Variants in ATP8B4 observed in about 807,000 individuals in gnomAD.
ATP8B4 encodes ATPase phospholipid transporting 8B4 (putative).
Under a neutral mutation model 145.6 loss-of-function variants are expected in ATP8B4, and 133 were observed. That is an observed-to-expected ratio of 0.91 (90% CI 0.79 to 1.05). The LOEUF is 1.05. ATP8B4 is among the 50% of genes least tolerant of loss of function. The probability of loss-of-function intolerance (pLI) is 0.00; values close to 1 mark genes in which losing one functional copy is unlikely to be tolerated. For synonymous variants in ATP8B4, 507 were observed against 492.9 expected, an observed-to-expected ratio of 1.03 and a Z score of -0.38; for missense variants, 1,458 against 1,425.2, an observed-to-expected ratio of 1.02 and a Z score of -0.37.
chr15:50,113,273 T>C (rs2057037507), intron 1 of ATP8B4: 1 of 152,172 alleles, frequency 6.6e-6, no homozygotes. Flanking sequence ...ACCCCAGAGA[T>C]GGGCGATCCA....
At chr15:49,890,400 G>A (rs1455122835) in intron 23 of ATP8B4, among the ~76,000 whole-genome samples, 1 of 152,200 alleles carries the variant, frequency 6.6e-6, no homozygotes, top group Non-Finnish European at 1.5e-5. Context: ...TTTCAATCCT[G>A]TTAAAGCAGT....
intron 25 of ATP8B4, among the ~76,000 whole-genome samples, chr15:49,871,084 G>A (rs771593459): frequency 6.6e-6 from 1 of 152,194 alleles, no homozygotes; most frequent in Non-Finnish European, 1.5e-5. Context: ...CTTTGGAGCT[G>A]GGCATCTGGA....
intron 6 of ATP8B4, among the ~76,000 whole-genome samples, chr15:50,031,942 T>C (rs907001967): frequency 1.7e-4 from 26 of 152,256 alleles, no homozygotes; most frequent in African/African-American, 6.3e-4. Flanking sequence ...TAGTTAATTA[T>C]TGTAATATAA....
At chr15:50,021,020 C>G (rs981027984) in intron 6 of ATP8B4, among the ~76,000 whole-genome samples, 3 of 151,858 alleles carry the variant, frequency 2.0e-5, no homozygotes, top group Non-Finnish European at 4.4e-5. Flanking sequence ...ACAAGAATAG[C>G]AAGTTGCTGC....
chr15:50,028,485 C>T (rs72734861), intron 6 of ATP8B4, among the ~76,000 whole-genome samples: 12,510 of 152,152 alleles, frequency 0.082, 700 homozygotes, highest in East Asian at 0.28. Flanking sequence ...GTTTCATCTG[C>T]AGAGCCTGTA....
intron 1 of ATP8B4, among the ~76,000 whole-genome samples, chr15:50,117,504 CA>C (rs917724185): frequency 6.6e-6 from 1 of 151,724 alleles, no homozygotes; most frequent in African/African-American, 2.4e-5. Context: ...TCCAGGGGCA[CA>C]AAAAAAATCA....
At position 50,144,686 on chromosome 15, in the gene ATP8B4, G is replaced by C. The variant is rs192028121; in HGVS notation, c.-43+37575C>G. Among the ~76,000 whole-genome samples the C allele has an allele frequency of 7.9e-5, 12 of 152,146 alleles. No homozygotes were observed. In the East Asian group the frequency reaches 2.1e-3, roughly 27 times the overall value. ...AAACTATATCACAAAGTTAAGGCAT[G>C]TTTTCCTTCACTTCATCATGAAAGA... On this transcript the variant is annotated intron_variant, in intron 1 of 3. Coordinates refer to the ATP8B4 transcript ENST00000558829.
At chr15:49,926,067 C>T (rs2040691623) in intron 16 of ATP8B4, among the ~76,000 whole-genome samples, 1 of 152,052 alleles carries the variant, frequency 6.6e-6, no homozygotes, top group African/African-American at 2.4e-5. Context: ...ATCCTTCATA[C>T]TGTCCCTGGG....
intron 14 of ATP8B4, 82 bp from the exon 15 acceptor site, chr15:49,934,264 A>T (rs1599249467): frequency 4.2e-6 from 6 of 1,437,158 alleles, no homozygotes; most frequent in Non-Finnish European, 3.7e-6. Flanking sequence ...AGTTCCCCCA[A>T]GTATTTTTAG....
At position 49,925,818 on chromosome 15, in the gene ATP8B4, T is replaced by C. The variant is rs142409739; in HGVS notation, c.1643-2324A>G. ...TTGCTTTAGCAGCAAGTTTTATATC[T>C]CTTTTCTTCCAAGCCTTCTGGTCGT... On this transcript the variant is annotated intron_variant, in intron 16 of 27. Coordinates refer to ENST00000284509, the MANE Select transcript of ATP8B4 (RefSeq NM_024837.4). 2.0e-5 allele frequency among the ~76,000 whole-genome samples: 3 copies of C among 152,204 alleles called. No individual in the cohort carries two copies. The East Asian group carries it at 5.8e-4, about 29-fold the overall frequency.
chr15:49,861,531 T>C (rs548987410), intron 27 of ATP8B4, among the ~76,000 whole-genome samples: 1 of 151,898 alleles, frequency 6.6e-6, no homozygotes, highest in Non-Finnish European at 1.5e-5. Context: ...ACTGGCCTGG[T>C]CCCACTCACC....
chr15:49,985,673 TCTCCCTG>T, intron 10 of ATP8B4, among the ~76,000 whole-genome samples: 1 of 152,310 alleles, frequency 6.6e-6, no homozygotes, highest in South Asian at 2.1e-4. Context: ...GGTGTTCCTC[TCTCCCTG>T]CTGCCTGCTG....
At chr15:50,169,185 G>A (rs1057351035) in intron 1 of ATP8B4, among the ~76,000 whole-genome samples, 1 of 152,204 alleles carries the variant, frequency 6.6e-6, no homozygotes, top group Non-Finnish European at 1.5e-5. Context: ...TACAGCTGAT[G>A]CTTCCTGGAA....
At chr15:50,088,448 C>A (rs2055369393) in intron 2 of ATP8B4, among the ~76,000 whole-genome samples, 2 of 152,148 alleles carry the variant, frequency 1.3e-5, no homozygotes, top group Admixed American at 1.3e-4. Context: ...GCCTCTTGTT[C>A]CTTGACCACA....
chr15:50,114,696 T>C (rs2057110821), intron 1 of ATP8B4, among the ~76,000 whole-genome samples: 1 of 152,184 alleles, frequency 6.6e-6, no homozygotes, highest in Non-Finnish European at 1.5e-5. Context: ...ACAATCAGAG[T>C]AACTCATAGG....
intron 16 of ATP8B4, among the ~76,000 whole-genome samples, chr15:49,925,966 G>A (rs2040680396): frequency 6.6e-6 from 1 of 152,124 alleles, no homozygotes; most frequent in Non-Finnish European, 1.5e-5. Context: ...AAAGGTTACA[G>A]TTTTTAGGTT....
intron 14 of ATP8B4, among the ~76,000 whole-genome samples, chr15:49,951,611 A>G (rs2043110337): frequency 2.0e-5 from 3 of 152,126 alleles, no homozygotes; most frequent in African/African-American, 7.2e-5. Context: ...GAGTCTCCTG[A>G]ATACAGCACA....
chr15:50,123,967 AC>A (rs1299391755), upstream of ATP8B4, among the ~76,000 whole-genome samples: 4 of 152,106 alleles, frequency 2.6e-5, no homozygotes, highest in African/African-American at 7.2e-5. Flanking sequence ...TTCTTCCTGC[AC>A]CCCAGAGCAG....
intron 18 of ATP8B4, 94 bp downstream of exon 18, chr15:49,920,152 A>C (rs1266713152): frequency 6.9e-7 from 1 of 1,452,726 alleles, no homozygotes; most frequent in East Asian, 2.3e-5. Context: ...GCTGTGTGCA[A>C]GATGACTTAG....
Sources: gnomAD v4.1 joint callset for allele counts (sites outside exome capture counted in the v4.1 genomes callset) on GRCh38, gnomAD v4.1.1 for gene constraint, MANE v1.5 for transcripts, NCBI Gene and HGNC (gene_info 2026-07-23, HGNC 2026-07-21) for gene names.